The following GALNT13 variants were observed in gnomAD, a reference collection of about 807,000 sequenced individuals.
GALNT13 encodes UDP-GalNAc:polypeptide N-acetylgalactosaminyltransferase 13.
A neutral mutation model predicts 64.2 loss-of-function variants in GALNT13; 28 were observed. The ratio of observed to expected loss-of-function variants is 0.44; its 90% CI spans 0.32 to 0.60. The LOEUF is 0.60. Among genes scored for constraint, GALNT13 ranks in the 20% least tolerant of loss-of-function variants. The pLI is 0.05. For missense variants in GALNT13, 577 were observed against 669.8 expected (o/e 0.86, Z 1.53); for synonymous variants, 214 against 224.6 (o/e 0.95, Z 0.42).
At chr2:153,261,140 A>C in the GALNT13 span, among the ~76,000 whole-genome samples, 1 of 152,050 alleles carries the variant, frequency 6.6e-6, no homozygotes, top group Non-Finnish European at 1.5e-5. Context: ...GCTTCCCCCA[A>C]AGAGCTATTT....
chr2:153,623,534 C>T, the GALNT13 span, among the ~76,000 whole-genome samples: 1 of 151,980 alleles, frequency 6.6e-6, no homozygotes, highest in African/African-American at 2.4e-5. Context: ...CTAATAACAG[C>T]TAAACCCAAG....
At chr2:154,090,954 CAA>C in intron 3 of GALNT13, among the ~76,000 whole-genome samples, 1 of 151,276 alleles carries the variant, frequency 6.6e-6, no homozygotes, top group Non-Finnish European at 1.5e-5. Flanking sequence ...ATAAGCCAGA[CAA>C]ATTATTATCA....
the GALNT13 span, among the ~76,000 whole-genome samples, chr2:153,120,557 C>T: frequency 6.6e-6 from 1 of 152,220 alleles, no homozygotes; most frequent in South Asian, 2.1e-4. Flanking sequence ...TGGAAATAAG[C>T]ATTTATCTAT....
the GALNT13 span, among the ~76,000 whole-genome samples, chr2:153,241,023 G>C: frequency 3.9e-5 from 6 of 152,268 alleles, no homozygotes; most frequent in African/African-American, 1.4e-4. Context: ...AGAATACTTA[G>C]AAAGGGATAC....
chr2:154,420,978 T>C (rs985890156), intron 11 of GALNT13, among the ~76,000 whole-genome samples: 2 of 152,150 alleles, frequency 1.3e-5, no homozygotes, highest in Non-Finnish European at 2.9e-5. Context: ...AGTTTTGGAA[T>C]AAATTAGGCA....
the GALNT13 span, among the ~76,000 whole-genome samples, chr2:153,633,002 C>G: frequency 1.3e-5 from 2 of 152,056 alleles, no homozygotes; most frequent in Admixed American, 1.3e-4. Context: ...CTCAATTAAT[C>G]CACCCGCTTC....
chr2:153,869,775 G>A (rs1466020563), upstream of GALNT13, among the ~76,000 whole-genome samples: 1 of 152,036 alleles, frequency 6.6e-6, no homozygotes, highest in Non-Finnish European at 1.5e-5. Context: ...CATTCTCCTT[G>A]AAATATGGCA....
intron 4 of GALNT13, among the ~76,000 whole-genome samples, chr2:154,145,799 C>G (rs1574595416): frequency 6.6e-6 from 1 of 151,950 alleles, no homozygotes; most frequent in African/African-American, 2.4e-5. Flanking sequence ...TATATTTTTT[C>G]TGTGCTCAAT....
intron 1 of GALNT13, among the ~76,000 whole-genome samples, chr2:153,882,112 A>G (rs1182943587): frequency 6.6e-6 from 1 of 151,998 alleles, no homozygotes; most frequent in Non-Finnish European, 1.5e-5. Flanking sequence ...TGGAGGGATT[A>G]AAAGTTATAA....
At chr2:153,640,982 T>C in the GALNT13 span, among the ~76,000 whole-genome samples, 1 of 152,122 alleles carries the variant, frequency 6.6e-6, no homozygotes, top group Admixed American at 6.6e-5. Context: ...GGAAGTCTCT[T>C]TGTGGAGTCT....
the GALNT13 span, among the ~76,000 whole-genome samples, chr2:153,504,406 A>C: frequency 6.6e-6 from 1 of 151,714 alleles, no homozygotes; most frequent in South Asian, 2.1e-4. Context: ...TTTGCCTAGG[A>C]CCTCCAGTAC....
At chr2:153,076,294 C>T in the GALNT13 span, among the ~76,000 whole-genome samples, 1 of 152,092 alleles carries the variant, frequency 6.6e-6, no homozygotes, top group African/African-American at 2.4e-5. Flanking sequence ...TTTGAGTAAA[C>T]TGTCTTTCCA....
chr2:153,716,253 C>A, the GALNT13 span, among the ~76,000 whole-genome samples: 5 of 152,218 alleles, frequency 3.3e-5, no homozygotes, highest in Non-Finnish European at 5.9e-5. Context: ...GCTTGTCCAA[C>A]CCATGGCCCA....
rs1693666796 is a variant in GALNT13, at chr2:154,305,284, A to G, written c.1156+3695A>G. ...TCACTTTGGGAATGGGTGAGTTTGT[A>G]AAGAGAGAATCTGGTGTGTGTGTTC... On this transcript the variant is annotated intron_variant, in intron 9 of 12. Coordinates refer to ENST00000392825, the MANE Select transcript of GALNT13 (RefSeq NM_052917.4). Among the ~76,000 whole-genome samples the G allele has an allele frequency of 2.6e-5, 4 of 152,148 alleles. 1 individual carries two copies. In the South Asian group the frequency reaches 8.3e-4, roughly 32 times the overall value.
At chr2:153,381,559 G>T in the GALNT13 span, among the ~76,000 whole-genome samples, 1 of 152,048 alleles carries the variant, frequency 6.6e-6, no homozygotes, top group Non-Finnish European at 1.5e-5. Flanking sequence ...AGAAATAAGG[G>T]TCTGAAACTG....
At chr2:154,333,666 T>C (rs1217970138) in intron 9 of GALNT13, among the ~76,000 whole-genome samples, 3 of 152,086 alleles carry the variant, frequency 2.0e-5, no homozygotes, top group Non-Finnish European at 2.9e-5. Context: ...TACCTGTTTA[T>C]AAAAATGGTG....
chr2:153,587,590 C>A, the GALNT13 span, among the ~76,000 whole-genome samples: 1 of 152,142 alleles, frequency 6.6e-6, no homozygotes, highest in African/African-American at 2.4e-5. Context: ...TTCACTATCA[C>A]AAGAACAGCA....
At chr2:153,704,506 C>T in the GALNT13 span, among the ~76,000 whole-genome samples, 23,404 of 152,160 alleles carry the variant, frequency 0.15, 3,132 homozygotes, top group African/African-American at 0.36. Flanking sequence ...TCTCTCAATG[C>T]ACAAATGCAC....
At chr2:153,841,671 C>A in the GALNT13 span, among the ~76,000 whole-genome samples, 87 of 152,248 alleles carry the variant, frequency 5.7e-4, no homozygotes, top group African/African-American at 2.0e-3. Flanking sequence ...TCTTCCCCTA[C>A]TCTCATAATA....
Sources: allele counts gnomAD v4.1 joint callset (sites outside exome capture counted in the v4.1 genomes callset), GRCh38; gene constraint gnomAD v4.1.1; transcripts MANE v1.5; gene names NCBI Gene and HGNC (gene_info 2026-07-23, HGNC 2026-07-21).